The following CRIM1 variants were observed in gnomAD, a reference collection of about 807,000 sequenced individuals.
CRIM1 encodes cysteine rich transmembrane BMP regulator 1, also known as cysteine-rich motor neuron 1 protein.
Under a neutral mutation model 116.4 loss-of-function variants are expected in CRIM1, and 32 were observed. That is an observed-to-expected ratio of 0.27 (90% CI 0.21 to 0.37). CRIM1 has a LOEUF of 0.37. Among genes scored for constraint, CRIM1 ranks in the 10% least tolerant of loss-of-function variants. CRIM1 has a pLI of 1.00. For missense variants in CRIM1, 1,331 were observed against 1,354.8 expected, an observed-to-expected ratio of 0.98 and a Z score of 0.28; for synonymous variants, 590 against 509.2, an observed-to-expected ratio of 1.16 and a Z score of -2.13.
chr2:36,391,236 C>T (rs1671569691), intron 1 of CRIM1, among the ~76,000 whole-genome samples: 1 of 145,260 alleles, frequency 6.9e-6, no homozygotes, highest in African/African-American at 2.5e-5. Context: ...TCATGACATT[C>T]TCCTGCCTCA....
intron 16 of CRIM1, among the ~76,000 whole-genome samples, chr2:36,547,655 AGTGGAAAG>A (rs2125197918): frequency 6.6e-6 from 1 of 152,294 alleles, no homozygotes; most frequent in African/African-American, 2.4e-5. Context: ...GCAAGCACCA[AGTGGAAAG>A]GTCGCAAAAG....
intron 12 of CRIM1, 88 bp from the exon 13 acceptor site, chr2:36,522,004 A>G (rs1665426170): frequency 9.3e-7 from 1 of 1,080,654 alleles, no homozygotes. Flanking sequence ...GAAAGCCATC[A>G]TGACTGGGTG....
At chr2:36,500,610 T>C (rs954346946) in intron 8 of CRIM1, among the ~76,000 whole-genome samples, 1 of 152,204 alleles carries the variant, frequency 6.6e-6, no homozygotes, top group African/African-American at 2.4e-5. Flanking sequence ...GGGATATTTT[T>C]GAATCTCAAT....
intron 15 of CRIM1, 122 bp from the exon 16 acceptor site, chr2:36,546,862 T>A (rs1172086252): frequency 1.7e-6 from 1 of 598,102 alleles, no homozygotes; most frequent in Non-Finnish European, 2.9e-6. Flanking sequence ...AATCACATTT[T>A]TAGCCTCAAA....
At chr2:36,431,182 G>A (rs568569475) in intron 2 of CRIM1, among the ~76,000 whole-genome samples, 2 of 152,232 alleles carry the variant, frequency 1.3e-5, no homozygotes, top group East Asian at 3.9e-4. Flanking sequence ...CGCGTTAGGT[G>A]TTAGGTTTAA....
chr2:36,453,498 A>G (rs1290852276), intron 4 of CRIM1, among the ~76,000 whole-genome samples: 1 of 152,228 alleles, frequency 6.6e-6, no homozygotes, highest in African/African-American at 2.4e-5. Context: ...ATCAGTACCT[A>G]GCACGGGTAA....
chr2:36,389,282 G>C (rs938341463), intron 1 of CRIM1, among the ~76,000 whole-genome samples: 6 of 152,144 alleles, frequency 3.9e-5, no homozygotes, highest in Admixed American at 3.9e-4. Context: ...AAAGCAGACT[G>C]TATTAGATTC....
intron 13 of CRIM1, among the ~76,000 whole-genome samples, chr2:36,533,465 A>G (rs1666259642): frequency 6.6e-6 from 1 of 151,912 alleles, no homozygotes; most frequent in Admixed American, 6.6e-5. Flanking sequence ...ATCCAGGCAT[A>G]ATGGTGCATA....
intron 2 of CRIM1, among the ~76,000 whole-genome samples, chr2:36,427,882 C>T (rs1022728256): frequency 2.6e-5 from 4 of 152,192 alleles, no homozygotes; most frequent in Admixed American, 1.3e-4. Context: ...GGCGAGGCTC[C>T]GCCTGTGTGG....
At chr2:36,449,909 A>G (rs1312884124) in intron 4 of CRIM1, among the ~76,000 whole-genome samples, 3 of 152,156 alleles carry the variant, frequency 2.0e-5, no homozygotes, top group Admixed American at 6.5e-5. Flanking sequence ...AAACAGCAAA[A>G]TGAAATAAAC....
chr2:36,457,023 G>A (rs1197641654), intron 4 of CRIM1, among the ~76,000 whole-genome samples: 1 of 152,142 alleles, frequency 6.6e-6, no homozygotes, highest in Non-Finnish European at 1.5e-5. Context: ...AGCACCTTAA[G>A]ATAAGCTTCC....
At chr2:36,479,898 T>C (rs374284636) in intron 7 of CRIM1, among the ~76,000 whole-genome samples, 10 of 152,352 alleles carry the variant, frequency 6.6e-5, no homozygotes, top group Admixed American at 5.9e-4. Context: ...GTGGTCATTA[T>C]TTTGCCATTG....
intron 4 of CRIM1, among the ~76,000 whole-genome samples, chr2:36,454,777 A>T (rs1330004576): frequency 6.6e-6 from 1 of 152,144 alleles, no homozygotes; most frequent in Non-Finnish European, 1.5e-5. Context: ...GCATGGAATG[A>T]GTAGTGATGC....
rs193188688 is a variant in CRIM1, at chr2:36,457,428, C to T, written c.870-7106C>T. On this transcript the variant is annotated intron_variant, in intron 4 of 16. Transcript: ENST00000280527. ...GAAAGTGTTGAAGAAGGTACAGTTTCTGCTCACTGTACACAGGGGAGGGAT... is the reference window on the plus strand; with the variant it reads ...GAAAGTGTTGAAGAAGGTACAGTTTTTGCTCACTGTACACAGGGGAGGGAT... 1.1e-4 allele frequency among the ~76,000 whole-genome samples: 17 copies of T among 152,288 alleles called. No individual in the cohort carries two copies. The East Asian group carries it at 3.1e-3, about 28-fold the overall frequency.
rs747990303 is a variant in CRIM1, at chr2:36,463,841, G to A, written c.870-693G>A. ...CAGAGAGATCGATGCTCAGGTGGGAGCTTAAGATCCAAAAAATTAAGACTT... is the reference window on the plus strand; with the variant it reads ...CAGAGAGATCGATGCTCAGGTGGGAACTTAAGATCCAAAAAATTAAGACTT... On this transcript the variant is annotated intron_variant, in intron 4 of 16. Coordinates refer to ENST00000280527, the MANE Select transcript of CRIM1 (RefSeq NM_016441.3). 9.2e-5 allele frequency among the ~76,000 whole-genome samples: 14 copies of A among 152,272 alleles called. No individual in the cohort carries two copies. The East Asian group carries it at 2.7e-3, about 29-fold the overall frequency.
intron 11 of CRIM1, 116 bp from the exon 12 acceptor site, chr2:36,517,211 G>A (rs1259081384): frequency 1.3e-6 from 1 of 745,148 alleles, no homozygotes; most frequent in Non-Finnish European, 2.3e-6. Flanking sequence ...TAAGAATAGA[G>A]CGAGATGCTC....
At chr2:36,485,575 C>G (rs1050593653) in intron 7 of CRIM1, among the ~76,000 whole-genome samples, 2 of 152,152 alleles carry the variant, frequency 1.3e-5, no homozygotes, top group African/African-American at 4.8e-5. Context: ...GGTGGGAATT[C>G]TTTGAAACAA....
At chr2:36,362,695 A>G (rs1669305683) in intron 1 of CRIM1, among the ~76,000 whole-genome samples, 1 of 152,198 alleles carries the variant, frequency 6.6e-6, no homozygotes, top group Non-Finnish European at 1.5e-5. Flanking sequence ...ATGGTTGAAT[A>G]TACCTCTATG....
intron 2 of CRIM1, among the ~76,000 whole-genome samples, chr2:36,426,102 G>A: frequency 6.6e-6 from 1 of 152,206 alleles, no homozygotes; most frequent in East Asian, 1.9e-4. Context: ...CCTAGAAAGT[G>A]ATGATTCTTT....
Sources: gnomAD v4.1 joint callset for allele counts (sites outside exome capture counted in the v4.1 genomes callset) on GRCh38, gnomAD v4.1.1 for gene constraint, MANE v1.5 for transcripts, NCBI Gene and HGNC (gene_info 2026-07-23, HGNC 2026-07-21) for gene names.